The following CATSPERD variants were observed in gnomAD, a reference collection of about 807,000 sequenced individuals.
CATSPERD encodes cation channel sperm-associated auxiliary subunit delta.
Under a neutral mutation model 98.1 loss-of-function variants are expected in CATSPERD, and 86 were observed. The ratio of observed to expected loss-of-function variants is 0.88; its 90% CI spans 0.74 to 1.05. The LOEUF is 1.05. CATSPERD is among the 50% of genes least tolerant of loss of function. The probability of loss-of-function intolerance (pLI) is 0.00; values close to 1 mark genes in which losing one functional copy is unlikely to be tolerated. For synonymous variants in CATSPERD, 394 were observed against 390.2 expected (o/e 1.01, Z -0.12); for missense variants, 995 against 1,005.7 (o/e 0.99, Z 0.14).
At chr19:5,738,602 C>T (rs2055895281) in intron 6 of CATSPERD, among the ~76,000 whole-genome samples, 1 of 152,090 alleles carries the variant, frequency 6.6e-6, no homozygotes, top group Non-Finnish European at 1.5e-5. Context: ...TCACTAATAA[C>T]ATAAACAGTC....
chr19:5,730,856 C>T (rs191028074), intron 4 of CATSPERD, among the ~76,000 whole-genome samples: 5 of 152,028 alleles, frequency 3.3e-5, no homozygotes, highest in Non-Finnish European at 5.9e-5. Context: ...AAAAAATTAG[C>T]TGGGCGTGGT....
At chr19:5,724,751 G>C in intron 1 of CATSPERD, 57 bp from the exon 2 acceptor site, 1 of 1,542,298 alleles carries the variant, frequency 6.5e-7, no homozygotes, top group Non-Finnish European at 9.0e-7. Context: ...CTGAGTAGGA[G>C]GATTCATGCT....
chr19:5,724,114 C>T (rs1029020097), intron 1 of CATSPERD, among the ~76,000 whole-genome samples: 2 of 151,406 alleles, frequency 1.3e-5, no homozygotes, highest in Non-Finnish European at 2.9e-5. Context: ...TTAGTAGAGA[C>T]GAGATTTCAC....
At chr19:5,728,136 G>T (rs1381814302) in intron 3 of CATSPERD, among the ~76,000 whole-genome samples, 1 of 151,568 alleles carries the variant, frequency 6.6e-6, no homozygotes, top group Non-Finnish European at 1.5e-5. Context: ...GAGGTGGGGG[G>T]ATCACGAGGT....
intron 20 of CATSPERD, chr19:5,775,379 T>C: frequency 2.3e-6 from 1 of 441,284 alleles, no homozygotes; most frequent in East Asian, 7.5e-5. Context: ...TGGCCACGCC[T>C]GTAATCCCAG....
At chr19:5,773,085 G>A in intron 20 of CATSPERD, 120 bp downstream of exon 20, 2 of 1,010,234 alleles carry the variant, frequency 2.0e-6, no homozygotes, top group Non-Finnish European at 2.8e-6. Flanking sequence ...GGGGCGCGGT[G>A]GCTCACGCCT....
At chr19:5,751,909 C>A in intron 12 of CATSPERD, 86 bp downstream of exon 12, 1 of 1,270,374 alleles carries the variant, frequency 7.9e-7, no homozygotes, top group Non-Finnish European at 1.1e-6. Context: ...ACGCCTGTAG[C>A]CCCAGTTGCT....
At chr19:5,750,578 T>A (rs1487619442) in intron 11 of CATSPERD, among the ~76,000 whole-genome samples, 1 of 149,486 alleles carries the variant, frequency 6.7e-6, no homozygotes, top group African/African-American at 2.5e-5. Flanking sequence ...CCGTCTCTAC[T>A]AAAAATATGA....
chr19:5,768,292 C>T (rs759389830), intron 18 of CATSPERD, 50 bp downstream of exon 18: 4 of 1,413,018 alleles, frequency 2.8e-6, no homozygotes, highest in Non-Finnish European at 3.9e-6. Flanking sequence ...GACCATTGGG[C>T]CTGCAAAAGC....
At chr19:5,777,609 A>C (rs923401261) in intron 21 of CATSPERD, among the ~76,000 whole-genome samples, 1 of 152,198 alleles carries the variant, frequency 6.6e-6, no homozygotes, top group African/African-American at 2.4e-5. Context: ...TCGGCCTGGC[A>C]CAATAGCTTA....
At chr19:5,743,553 T>C (rs2056031153) in intron 7 of CATSPERD, among the ~76,000 whole-genome samples, 1 of 148,446 alleles carries the variant, frequency 6.7e-6, no homozygotes, top group Non-Finnish European at 1.5e-5. Flanking sequence ...GAGCCGAGGC[T>C]GTGCCACTGC....
In CATSPERD at chr19:5,754,720, G is replaced by A. The variant is rs114894356; in HGVS notation, c.1278+475G>A. Among the ~76,000 whole-genome samples the A allele has an allele frequency of 1.5e-3, 233 of 151,696 alleles. 1 individual carries two copies. Among genetic ancestry groups the A allele is most frequent in the African/African-American group, 5.5e-3 (227 of 41,392 alleles). ...GCCATTTCTATGTGTCTTCCCCCTC[G>A]ACGTGCCTCTGCATGTCTGGGCGTG... is the stretch of plus-strand genomic sequence containing the variant. On this transcript the variant is annotated intron_variant, in intron 13 of 21. Coordinates refer to ENST00000381624, the MANE Select transcript of CATSPERD (RefSeq NM_152784.4).
Position 5,756,052 on chromosome 19 carries a change from G to A in CATSPERD, c.1279-1791G>A, listed in dbSNP as rs556014472. Among the ~76,000 whole-genome samples the A allele has an allele frequency of 2.1e-4, 32 of 152,070 alleles. No individual in the cohort carries two copies. The South Asian group carries it at 5.8e-3, about 28-fold the overall frequency. On this transcript the variant is annotated intron_variant, in intron 13 of 21. Coordinates refer to ENST00000381624, the MANE Select transcript of CATSPERD (RefSeq NM_152784.4). ...TCCCAGCACTTTGGGAGGCCAAGGC[G>A]GGCAGATTGCCTGAGGCCAGGAGTT...
intron 13 of CATSPERD, among the ~76,000 whole-genome samples, chr19:5,756,972 A>G (rs1395539191): frequency 2.0e-5 from 3 of 151,358 alleles, no homozygotes; most frequent in Non-Finnish European, 4.4e-5. Context: ...TAAATAGGCC[A>G]GGTGCGGTGG....
chr19:5,769,293 C>CAAAAAAA (rs35536683), intron 18 of CATSPERD, among the ~76,000 whole-genome samples: 2 of 45,094 alleles, frequency 4.4e-5, no homozygotes. Context: ...AACCTAGAGA[C>CAAAAAAA]AAAAAAAAAA....
At chr19:5,745,781 C>A in intron 8 of CATSPERD, 132 bp from the exon 9 acceptor site, 1 of 746,768 alleles carries the variant, frequency 1.3e-6, no homozygotes, top group Non-Finnish European at 2.1e-6. Context: ...AAAAGAAAGG[C>A]AGACTTGTGG....
At chr19:5,725,971 C>T (rs972836019) in intron 2 of CATSPERD, among the ~76,000 whole-genome samples, 2 of 152,194 alleles carry the variant, frequency 1.3e-5, no homozygotes, top group Non-Finnish European at 2.9e-5. Context: ...TAATATTCAT[C>T]ATTCTCTGGA....
At chr19:5,721,195 G>T (rs2055463457) in intron 1 of CATSPERD, among the ~76,000 whole-genome samples, 1 of 151,958 alleles carries the variant, frequency 6.6e-6, no homozygotes, top group African/African-American at 2.4e-5. Context: ...TAAAGACGGG[G>T]GTTTCACCGT....
intron 18 of CATSPERD, among the ~76,000 whole-genome samples, chr19:5,770,146 G>A (rs1599593041): frequency 6.7e-6 from 1 of 150,256 alleles, no homozygotes; most frequent in Non-Finnish European, 1.5e-5. Context: ...GGCAAAAACC[G>A]GCCGGGCGCA....
Sources: gnomAD v4.1 joint callset for allele counts (sites outside exome capture counted in the v4.1 genomes callset) on GRCh38, gnomAD v4.1.1 for gene constraint, MANE v1.5 for transcripts, NCBI Gene and HGNC (gene_info 2026-07-23, HGNC 2026-07-21) for gene names.